Variants in RPS3 observed in about 807,000 individuals in gnomAD.
The protein encoded by RPS3 is ribosomal protein S3.
A neutral mutation model predicts 25.8 loss-of-function variants in RPS3; 2 were observed. That is an observed-to-expected ratio of 0.08 (90% CI 0.03 to 0.24). RPS3 has a LOEUF of 0.24. RPS3 is among the 10% of genes least tolerant of loss of function. RPS3 has a pLI of 1.00. For missense variants in RPS3, 107 were observed against 307.1 expected (o/e 0.35, Z 4.87); for synonymous variants, 114 against 114.2 (o/e 1.00, Z 0.01).
At chr11:75,417,412 G>A (rs1449487145) in intron 6 of RPS3, among the ~76,000 whole-genome samples, 2 of 152,120 alleles carry the variant, frequency 1.3e-5, no homozygotes, top group Admixed American at 6.6e-5. Context: ...TGGCTAACAC[G>A]GTAAAACCCC....
intron 6 of RPS3, among the ~76,000 whole-genome samples, chr11:75,412,495 A>G (rs1948366342): frequency 6.6e-6 from 1 of 152,012 alleles, no homozygotes; most frequent in Non-Finnish European, 1.5e-5. Flanking sequence ...GTTCCTTTCC[A>G]TTTCAAAATA....
At chr11:75,400,472 C>T (rs769131279) in intron 1 of RPS3, 5 of 650,532 alleles carry the variant, frequency 7.7e-6, no homozygotes, top group South Asian at 4.1e-5. Context: ...CGTTCTGTGG[C>T]ACAGTTTAAA....
intron 6 of RPS3, among the ~76,000 whole-genome samples, chr11:75,413,271 C>T (rs996376010): frequency 4.6e-5 from 7 of 150,744 alleles, no homozygotes; most frequent in African/African-American, 1.7e-4. Context: ...GAGACAGTCT[C>T]ACTCTGTAGC....
exon 7 of RPS3, chr11:75,422,186 A>G (rs898649122): frequency 2.4e-5 from 4 of 165,356 alleles, no homozygotes; most frequent in Non-Finnish European, 3.9e-5. Context: ...AAGACTCAGC[A>G]AGAAAACATT....
chr11:75,417,666 T>C (rs966316356), intron 6 of RPS3, among the ~76,000 whole-genome samples: 1 of 152,200 alleles, frequency 6.6e-6, no homozygotes, highest in African/African-American at 2.4e-5. Flanking sequence ...ACTGGGAGGC[T>C]GAGGTGGGAG....
At chr11:75,421,388 C>T (rs577844869) in intron 6 of RPS3, among the ~76,000 whole-genome samples, 9 of 152,350 alleles carry the variant, frequency 5.9e-5, no homozygotes, top group African/African-American at 1.9e-4. Context: ...GGGGAGCCTG[C>T]AGCTGGGGCC....
intron 2 of RPS3, 27 bp downstream of exon 2, chr11:75,400,851 C>T (rs1239022367): frequency 6.3e-7 from 1 of 1,598,868 alleles, no homozygotes; most frequent in Non-Finnish European, 8.5e-7. Context: ...TGGCCATCAC[C>T]TATAATTGTT....
chr11:75,416,345 T>C (rs1948398438), intron 6 of RPS3, among the ~76,000 whole-genome samples: 1 of 152,224 alleles, frequency 6.6e-6, no homozygotes, highest in African/African-American at 2.4e-5. Context: ...TGCCATGCTT[T>C]CTGTTTCTGT....
In RPS3 at chr11:75,413,310, G is replaced by A. The variant is rs149484737; in HGVS notation, c.*4-8417G>A. The stretch of plus-strand genomic sequence containing the variant: ...GGCTGGAGTGCGGTGGTGCGATCTC[G>A]ACTCACTGCGATCTCAGCTCACTGC... On this transcript the variant is annotated intron_variant, in intron 6 of 6. Coordinates refer to the RPS3 transcript ENST00000527446. 8.9e-3 allele frequency among the ~76,000 whole-genome samples: 1,353 copies of A among 151,696 alleles called. 18 individuals are homozygous for A. Among genetic ancestry groups the A allele is most frequent in the South Asian group, 0.048 (232 of 4,824 alleles).
chr11:75,409,914 G>C (rs1284998578), downstream of RPS3, among the ~76,000 whole-genome samples: 3 of 142,010 alleles, frequency 2.1e-5, no homozygotes, highest in Non-Finnish European at 4.7e-5. Flanking sequence ...CTCACCTCCC[G>C]GACGGGGCGG....
At chr11:75,410,913 G>A (rs2135065877), downstream of RPS3, among the ~76,000 whole-genome samples, 1 of 152,320 alleles carries the variant, frequency 6.6e-6, no homozygotes, top group South Asian at 2.1e-4. Context: ...GTCTCGCTCT[G>A]TCACCCAGGC....
intron 6 of RPS3, among the ~76,000 whole-genome samples, chr11:75,415,381 C>T (rs1948387368): frequency 6.6e-6 from 1 of 152,172 alleles, no homozygotes; most frequent in South Asian, 2.1e-4. Context: ...GACATTATAA[C>T]AGTTAAGAGC....
chr11:75,400,646 G>A, intron 1 of RPS3, 48 bp from the exon 2 acceptor site: 1 of 1,601,198 alleles, frequency 6.2e-7, no homozygotes, highest in Non-Finnish European at 8.5e-7. Context: ...AGGCGAAAGT[G>A]AGCCTACACC....
chr11:75,411,583 G>T (rs1372488464), downstream of RPS3, among the ~76,000 whole-genome samples: 1 of 150,836 alleles, frequency 6.6e-6, no homozygotes, highest in African/African-American at 2.4e-5. Context: ...GTAGAGACGG[G>T]GTTTCACCAT....
At chr11:75,410,501 C>G (rs1948344976), downstream of RPS3, among the ~76,000 whole-genome samples, 1 of 151,554 alleles carries the variant, frequency 6.6e-6, no homozygotes, top group Non-Finnish European at 1.5e-5. Flanking sequence ...CCTCACTTTC[C>G]AGACTGGGCA....
intron 1 of RPS3, 102 bp downstream of exon 1, chr11:75,399,679 A>T: frequency 1.8e-6 from 2 of 1,081,678 alleles, no homozygotes; most frequent in South Asian, 2.7e-5. Context: ...CCTGCCCTGG[A>T]AGCGGCCTAG....
At chr11:75,407,156 G>A (rs1948297495), downstream of RPS3, among the ~76,000 whole-genome samples, 1 of 152,004 alleles carries the variant, frequency 6.6e-6, no homozygotes, top group African/African-American at 2.4e-5. Flanking sequence ...TTTATTTTTT[G>A]AGGTGGAGTT....
In RPS3 at chr11:75,404,976, T is replaced by G. The variant is rs1026828266; in HGVS notation, c.*3+108T>G. The G allele has an allele frequency of 1.0e-5, 8 of 761,930 alleles. 1 individual carries two copies. Among genetic ancestry groups the G allele is most frequent in the South Asian group, 7.7e-5 (3 of 39,038 alleles). 47.2% of individuals were successfully genotyped at this position (761,930 alleles called of 1,614,324 possible). On this transcript the variant is annotated intron_variant, in intron 6 of 6. Coordinates refer to ENST00000531188, the MANE Select transcript of RPS3 (RefSeq NM_001005.5). The surrounding 1 kb of genome is among the most constrained non-coding windows in gnomAD (Gnocchi z 4.6). ...GGTAAGCGTTTGGTGAATAAAAATT[T>G]CATTTATTTGCTTTATGTGGGAGAA...
chr11:75,415,448 G>A (rs1948387618), intron 6 of RPS3, among the ~76,000 whole-genome samples: 2 of 152,190 alleles, frequency 1.3e-5, no homozygotes, highest in Admixed American at 6.5e-5. Flanking sequence ...CTAGGCTGGT[G>A]GATCAGTAGA....
Sources: allele counts gnomAD v4.1 joint callset (sites outside exome capture counted in the v4.1 genomes callset), GRCh38; gene constraint gnomAD v4.1.1; non-coding constraint Gnocchi (gnomAD v3.1); transcripts MANE v1.5; gene names NCBI Gene and HGNC (gene_info 2026-07-23, HGNC 2026-07-21).